The following MAMLD1 variants were observed in gnomAD, a reference collection of about 807,000 sequenced individuals.
The protein encoded by MAMLD1 is mastermind like domain containing 1.
MAMLD1 carries 14 observed loss-of-function variants against 45.0 expected under a neutral mutation model. The observed-to-expected ratio is 0.31, with a 90% CI of 0.21 to 0.49. The LOEUF is 0.49. MAMLD1 is among the 20% of genes least tolerant of loss of function. MAMLD1 has a pLI of 0.99. For synonymous variants in MAMLD1, 254 were observed against 247.8 expected, an observed-to-expected ratio of 1.02 and a Z score of -0.24; for missense variants, 543 against 603.6, an observed-to-expected ratio of 0.90 and a Z score of 1.05.
intron 1 of MAMLD1, among the ~76,000 whole-genome samples, chrX:150,385,708 G>A (rs1389998584): frequency 7.2e-5 from 8 of 111,175 alleles, no homozygotes; most frequent in East Asian, 2.8e-4. Flanking sequence ...AGGTGGAAGA[G>A]GAGGCAGGAG....
intron 1 of MAMLD1, among the ~76,000 whole-genome samples, chrX:150,441,021 A>G (rs1467330960): frequency 9.5e-6 from 1 of 105,032 alleles, no homozygotes; most frequent in Non-Finnish European, 1.9e-5. Context: ...AATATTTAAT[A>G]ATTTAATAAT....
chrX:150,449,341 T>C (rs1022034779), intron 2 of MAMLD1, among the ~76,000 whole-genome samples: 1 of 111,114 alleles, frequency 9.0e-6, no homozygotes, highest in Non-Finnish European at 1.9e-5. Flanking sequence ...TAAATGCAAG[T>C]AGGGCTGAAG....
At chrX:150,478,231 C>G (rs1557406954) in intron 5 of MAMLD1, among the ~76,000 whole-genome samples, 2 of 112,451 alleles carry the variant, frequency 1.8e-5, no homozygotes, top group African/African-American at 6.5e-5. Flanking sequence ...ATTTCCGATT[C>G]TGATCAAAGT....
chrX:150,436,852 G>A (rs2035135954), intron 1 of MAMLD1, among the ~76,000 whole-genome samples: 1 of 111,038 alleles, frequency 9.0e-6, no homozygotes. Context: ...TCTCATCTTT[G>A]TGGGCTGAAA....
chrX:150,479,401 G>A (rs927827972), intron 5 of MAMLD1, among the ~76,000 whole-genome samples: 5 of 111,800 alleles, frequency 4.5e-5, no homozygotes, highest in African/African-American at 1.3e-4. Flanking sequence ...CTTAGTAACT[G>A]GCTTATGAAA....
intron 5 of MAMLD1, among the ~76,000 whole-genome samples, chrX:150,483,618 CCATGATG>C (rs1246802321): frequency 8.9e-6 from 1 of 112,571 alleles, no homozygotes; most frequent in Non-Finnish European, 1.9e-5. Context: ...TACCCACTGA[CCATGATG>C]CATTTCTCTG....
chrX:150,497,929 AC>A (rs1355536663), intron 5 of MAMLD1, among the ~76,000 whole-genome samples: 3 of 110,889 alleles, frequency 2.7e-5, no homozygotes, highest in East Asian at 2.8e-4. Flanking sequence ...AGGTCGCTTA[AC>A]CTTTTTGTGC....
intron 1 of MAMLD1, among the ~76,000 whole-genome samples, chrX:150,391,648 T>C (rs1018100550): frequency 8.9e-6 from 1 of 112,157 alleles, no homozygotes; most frequent in Admixed American, 9.5e-5. Flanking sequence ...ATTTTTATGA[T>C]GATTTATTTA....
intron 1 of MAMLD1, among the ~76,000 whole-genome samples, chrX:150,414,913 C>T (rs2034211809): frequency 2.7e-5 from 3 of 111,610 alleles, no homozygotes; most frequent in Admixed American, 9.5e-5. Context: ...CAGTTCATAT[C>T]AGTCATATAG....
chrX:150,374,874 G>A (rs1220744678), intron 1 of MAMLD1, among the ~76,000 whole-genome samples: 1 of 111,525 alleles, frequency 9.0e-6, no homozygotes, highest in Non-Finnish European at 1.9e-5. Context: ...AGAAGGTAAA[G>A]TGGATCCTGG....
Position 150,367,805 on chromosome X carries a change from C to T in MAMLD1, c.-64+4275C>T, listed in dbSNP as rs782640545. The stretch of plus-strand genomic sequence containing the variant: ...ATTCCCACCTATGAGTGAGAACATG[C>T]GGTGTTTGGTTTTTTGTCCTTGCGA... On this transcript the variant is annotated intron_variant, in intron 1 of 7. Transcript: ENST00000370401. 6.2e-3 allele frequency among the ~76,000 whole-genome samples: 669 copies of T among 108,464 alleles called. 4 individuals carry two copies. Among genetic ancestry groups the T allele is most frequent in the African/African-American group, 0.02 (597 of 29,555 alleles). The allele number at this position is 108,464 out of a possible 115,157, so 94.2% of individuals were successfully genotyped here.
At chrX:150,368,335 T>A (rs1412890865) in intron 1 of MAMLD1, among the ~76,000 whole-genome samples, 13 of 111,979 alleles carry the variant, frequency 1.2e-4, no homozygotes, top group Non-Finnish European at 2.3e-4. Flanking sequence ...TTTTCATGTG[T>A]CTGCTGGCTG....
chrX:150,404,719 T>C (rs1406495050), intron 1 of MAMLD1, among the ~76,000 whole-genome samples: 1 of 111,823 alleles, frequency 8.9e-6, no homozygotes, highest in Non-Finnish European at 1.9e-5. Flanking sequence ...AGGCAACCAC[T>C]GATCTGTAGT....
chrX:150,481,140 C>G (rs1270267644), intron 5 of MAMLD1, among the ~76,000 whole-genome samples: 1 of 112,945 alleles, frequency 8.9e-6, no homozygotes, highest in African/African-American at 3.2e-5. Flanking sequence ...TTCCATGTGA[C>G]AAAGCTTTGA....
chrX:150,454,533 T>C (rs2035777517), intron 2 of MAMLD1, among the ~76,000 whole-genome samples: 3 of 112,126 alleles, frequency 2.7e-5, no homozygotes, highest in African/African-American at 9.7e-5. Context: ...AGTTTCAGTT[T>C]TCCAGGTAAG....
intron 1 of MAMLD1, among the ~76,000 whole-genome samples, chrX:150,437,964 C>A (rs1265457161): frequency 2.3e-5 from 1 of 42,883 alleles, no homozygotes; most frequent in Non-Finnish European, 4.4e-5. Context: ...TAGTATGGAA[C>A]CTTTGGGGAT....
chrX:150,471,269 C>A lies in MAMLD1; in HGVS notation c.1696C>A (p.Gln566Lys), dbSNP rs782436018. 8.3e-7 allele frequency: 1 copy of A among 1,211,796 alleles called. No individual in the cohort carries two copies. ...GCCCTCCATGCCTACCACCTCTAGG[C>A]AGCCTTCCCTGCTCCACTACCTGCA... ...KMPSMPTTSRQPSLLHYLQQP... is the reference protein window; with the variant it reads ...KMPSMPTTSRKPSLLHYLQQP... Residue 566 changes from glutamine to lysine, a missense_variant, in exon 4 of 8, where the codon CAG becomes AAG. Coordinates refer to ENST00000370401, the MANE Select transcript of MAMLD1 (RefSeq NM_005491.5).
intron 1 of MAMLD1, among the ~76,000 whole-genome samples, chrX:150,413,431 G>A (rs1190549333): frequency 9.0e-6 from 1 of 111,275 alleles, no homozygotes; most frequent in Admixed American, 9.6e-5. Flanking sequence ...CCCTTTCCAC[G>A]CTACCCAGGA....
intron 5 of MAMLD1, among the ~76,000 whole-genome samples, chrX:150,482,095 G>C (rs782169133): frequency 3.0e-4 from 34 of 111,808 alleles, no homozygotes; most frequent in Admixed American, 5.7e-4. Context: ...ATAGTCAAAA[G>C]AGAGAGACAA....
Sources: allele counts gnomAD v4.1 joint callset (sites outside exome capture counted in the v4.1 genomes callset), GRCh38; gene constraint gnomAD v4.1.1; transcripts MANE v1.5; gene names NCBI Gene and HGNC (gene_info 2026-07-23, HGNC 2026-07-21).